TUSC3: variants seen among roughly 807,000 people sequenced by gnomAD.
TUSC3 encodes tumor suppressor candidate 3.
In TUSC3, 45 loss-of-function variants were observed where a neutral mutation model predicts 44.8. The observed-to-expected ratio is 1.00, with a 90% CI of 0.79 to 1.29. The LOEUF (loss-of-function observed/expected upper bound fraction) is 1.29. Ranked by LOEUF, TUSC3 falls within the 50% of genes most tolerant of loss-of-function variation. The pLI, the probability that TUSC3 is intolerant of heterozygous loss-of-function variation, is 0.00. For missense variants in TUSC3, 519 were observed against 437.9 expected (o/e 1.19, Z -1.65); for synonymous variants, 212 against 152.9 (o/e 1.39, Z -2.85).
chr8:15,667,220 C>T (rs913170687), intron 5 of TUSC3, among the ~76,000 whole-genome samples: 1 of 151,488 alleles, frequency 6.6e-6, no homozygotes, highest in African/African-American at 2.4e-5. Context: ...AAGACTTAGT[C>T]TTAAGCTTTT....
intron 3 of TUSC3, 90 bp downstream of exon 3, chr8:15,650,904 CG>C (rs1400839435): frequency 1.5e-6 from 2 of 1,361,648 alleles, no homozygotes; most frequent in Non-Finnish European, 2.1e-6. Flanking sequence ...ATTCATTCAT[CG>C]TCTGAACCTG....
chr8:15,516,779 AATAG>A (rs1801221362), intron 2 of TUSC3, among the ~76,000 whole-genome samples: 1 of 152,200 alleles, frequency 6.6e-6, no homozygotes, highest in Admixed American at 6.5e-5. Context: ...AATGAAGAGT[AATAG>A]ATATTCAAAC....
chr8:15,836,460 G>A, the TUSC3 span, among the ~76,000 whole-genome samples: 1 of 137,376 alleles, frequency 7.3e-6, no homozygotes, highest in African/African-American at 2.7e-5. Context: ...CTGGGCAACA[G>A]AGTGAGACTC....
the TUSC3 span, among the ~76,000 whole-genome samples, chr8:15,840,196 G>A: frequency 4.8e-4 from 73 of 152,138 alleles, no homozygotes; most frequent in African/African-American, 1.6e-3. Context: ...TTGGACACAG[G>A]AAGGGGAACA....
chr8:15,542,301 C>T (rs1801718532), intron 1 of TUSC3, among the ~76,000 whole-genome samples: 1 of 151,988 alleles, frequency 6.6e-6, no homozygotes, highest in African/African-American at 2.4e-5. Context: ...CAGATGAAGC[C>T]TCCAGGTGGC....
At chr8:15,751,999 A>C (rs1326002924) in intron 9 of TUSC3, among the ~76,000 whole-genome samples, 4 of 152,202 alleles carry the variant, frequency 2.6e-5, no homozygotes, top group Non-Finnish European at 5.9e-5. Flanking sequence ...CTTTATAGAC[A>C]TGCCGTGGTG....
chr8:15,806,414 T>C, the TUSC3 span: 1 of 672,014 alleles, frequency 1.5e-6, no homozygotes, highest in South Asian at 1.4e-5. Context: ...ATACTTTGGG[T>C]GCATTTGGAA....
At chr8:15,537,530 A>C (rs1033907153), upstream of TUSC3, among the ~76,000 whole-genome samples, 1 of 152,006 alleles carries the variant, frequency 6.6e-6, no homozygotes, top group Non-Finnish European at 1.5e-5. Flanking sequence ...ACAGAGTTTG[A>C]CTCTTGTCAT....
intron 1 of TUSC3, among the ~76,000 whole-genome samples, chr8:15,607,663 C>T (rs1486523443): frequency 6.6e-6 from 1 of 152,048 alleles, no homozygotes; most frequent in African/African-American, 2.4e-5. Flanking sequence ...CTTGCTTTAT[C>T]GCAACTCCAT....
At chr8:15,812,500 A>T in the TUSC3 span, among the ~76,000 whole-genome samples, 1 of 152,326 alleles carries the variant, frequency 6.6e-6, no homozygotes, top group Admixed American at 6.5e-5. Context: ...TGCTGTAAAA[A>T]TATGGCCGTG....
chr8:15,627,427 G>A (rs1007023466), intron 2 of TUSC3, among the ~76,000 whole-genome samples: 2 of 152,252 alleles, frequency 1.3e-5, no homozygotes. Flanking sequence ...GGTTGTTTGT[G>A]TGCTTCTTTC....
intron 6 of TUSC3, among the ~76,000 whole-genome samples, chr8:15,705,098 T>G (rs1809563484): frequency 6.6e-6 from 1 of 152,004 alleles, no homozygotes; most frequent in African/African-American, 2.4e-5. Flanking sequence ...TCAAAGATAA[T>G]GTAAAATGCC....
chr8:15,560,292 G>T (rs1486240343), intron 1 of TUSC3, among the ~76,000 whole-genome samples: 1 of 142,712 alleles, frequency 7.0e-6, no homozygotes, highest in Non-Finnish European at 1.5e-5. Flanking sequence ...TGAAATTCTG[G>T]GTTGAAATTT....
chr8:15,671,764 C>CT (rs1267855464), intron 5 of TUSC3, among the ~76,000 whole-genome samples: 1 of 152,020 alleles, frequency 6.6e-6, no homozygotes, highest in Non-Finnish European at 1.5e-5. Flanking sequence ...TTGTTCATCG[C>CT]TTTATCCTCA....
chr8:15,475,266 A>G (rs1301692940), intron 1 of TUSC3, among the ~76,000 whole-genome samples: 3 of 152,220 alleles, frequency 2.0e-5, no homozygotes, highest in Non-Finnish European at 4.4e-5. Flanking sequence ...GCCTGAAGTT[A>G]TAGAAGTGGC....
chr8:15,689,171 C>A, intron 6 of TUSC3: 1 of 404,718 alleles, frequency 2.5e-6, no homozygotes, highest in Non-Finnish European at 4.9e-6. Context: ...CTGCTTCTTG[C>A]TTCGGAGAAT....
chr8:15,781,883 A>G, the TUSC3 span, among the ~76,000 whole-genome samples: 1 of 152,208 alleles, frequency 6.6e-6, no homozygotes, highest in East Asian at 1.9e-4. Context: ...CTGTAATCCA[A>G]GCACTTCAGG....
chr8:15,688,998 C>G (rs966014191), intron 6 of TUSC3: 22 of 253,308 alleles, frequency 8.7e-5, no homozygotes, highest in Admixed American at 7.9e-4. Context: ...CTTGGGGTTA[C>G]AGTCAAACAA....
chr8:15,598,409 A>G (rs369390436), intron 1 of TUSC3, among the ~76,000 whole-genome samples: 2 of 151,946 alleles, frequency 1.3e-5, no homozygotes, highest in African/African-American at 4.8e-5. Flanking sequence ...CATCATTATC[A>G]GTATTCCTAC....
Sources: allele counts gnomAD v4.1 joint callset (sites outside exome capture counted in the v4.1 genomes callset), GRCh38; gene constraint gnomAD v4.1.1; transcripts MANE v1.5; gene names NCBI Gene and HGNC (gene_info 2026-07-23, HGNC 2026-07-21).